Variants in ARHGAP40 observed in about 807,000 individuals in gnomAD.
The protein encoded by ARHGAP40 is Rho GTPase activating protein 40.
Under a neutral mutation model 73.5 loss-of-function variants are expected in ARHGAP40, and 43 were observed. That is an observed-to-expected ratio of 0.58 (90% CI 0.46 to 0.75). The LOEUF (loss-of-function observed/expected upper bound fraction) is 0.75. Ranked by LOEUF, ARHGAP40 falls within the 30% of genes least tolerant of loss-of-function variation. ARHGAP40 has a pLI of 0.00. For missense variants in ARHGAP40, 734 were observed against 861.8 expected (o/e 0.85, Z 1.86); for synonymous variants, 300 against 352.8 (o/e 0.85, Z 1.68).
At chr20:38,619,272 C>T (rs569238196) in intron 1 of ARHGAP40, among the ~76,000 whole-genome samples, 9 of 152,110 alleles carry the variant, frequency 5.9e-5, no homozygotes, top group South Asian at 2.1e-4. Flanking sequence ...TTCCTAGATG[C>T]GGTGAAAGGC....
At chr20:38,632,818 T>A (rs1342946152) in intron 5 of ARHGAP40, among the ~76,000 whole-genome samples, 5 of 150,158 alleles carry the variant, frequency 3.3e-5, no homozygotes, top group South Asian at 2.1e-4. Context: ...TCTACAAAAA[T>A]TTTTTTTAAA....
At chr20:38,620,850 T>C (rs921179345) in intron 1 of ARHGAP40, among the ~76,000 whole-genome samples, 15 of 152,080 alleles carry the variant, frequency 9.9e-5, no homozygotes, top group African/African-American at 4.8e-5. Flanking sequence ...GGACTCGGAG[T>C]TGAGCTCTGT....
chr20:38,627,670 G>A (rs1325685345), intron 3 of ARHGAP40, among the ~76,000 whole-genome samples: 6 of 146,216 alleles, frequency 4.1e-5, no homozygotes, highest in East Asian at 2.0e-4. Flanking sequence ...GTGGGGGTGT[G>A]TTGGTGTGTG....
chr20:38,642,378 G>A (rs908348393), intron 10 of ARHGAP40, among the ~76,000 whole-genome samples: 6 of 152,196 alleles, frequency 3.9e-5, no homozygotes, highest in African/African-American at 1.2e-4. Context: ...GACTCAAGAT[G>A]TGCCTCCAGG....
At chr20:38,616,788 T>C (rs375653513) in intron 1 of ARHGAP40, among the ~76,000 whole-genome samples, 9 of 152,264 alleles carry the variant, frequency 5.9e-5, no homozygotes, top group African/African-American at 2.2e-4. Context: ...TCTGGAGACC[T>C]TGTCATTGTT....
rs190054359 is a variant in ARHGAP40 at position 38,615,543 on chromosome 20, C to G, written c.138-7816C>G. The G allele has an allele frequency of 2.2e-4, 129 of 583,500 alleles. No homozygotes were observed. In the African/African-American group the frequency reaches 2.3e-3, roughly 10 times the overall value. The allele number at this position is 583,500 out of a possible 1,614,324, so 36.1% of individuals were successfully genotyped here. On this transcript the variant is annotated intron_variant, in intron 1 of 14. Transcript: ENST00000373345. ...GCCCTTCAGTGTCCCGGAGGAGGTG[C>G]CGCAGCCACTGTTTTCCCCGAGATT... is the stretch of plus-strand genomic sequence containing the variant.
At chr20:38,616,886 C>G (rs912020210) in intron 1 of ARHGAP40, among the ~76,000 whole-genome samples, 1 of 152,184 alleles carries the variant, frequency 6.6e-6, no homozygotes, top group Non-Finnish European at 1.5e-5. Context: ...CCCTCCTTCA[C>G]AGCAAAGAAT....
intron 5 of ARHGAP40, among the ~76,000 whole-genome samples, chr20:38,633,767 G>T (rs547160908): frequency 2.0e-5 from 3 of 152,328 alleles, no homozygotes; most frequent in African/African-American, 7.2e-5. Context: ...GACCTTGGGC[G>T]GCAGGAAAGC....
chr20:38,610,590 A>G (rs1237949258), intron 1 of ARHGAP40, among the ~76,000 whole-genome samples: 1 of 152,222 alleles, frequency 6.6e-6, no homozygotes, highest in East Asian at 1.9e-4. Flanking sequence ...TAGAAGCTGT[A>G]TAATGGTTTG....
At chr20:38,623,434 T>C in exon 2 of ARHGAP40, 2 of 1,290,996 alleles carry the variant, frequency 1.5e-6, no homozygotes, top group Non-Finnish European at 2.0e-6. Flanking sequence ...CTGGCTCTGC[T>C]GGCTGTTCCA....
chr20:38,634,695 C>G, exon 6 of ARHGAP40: 1 of 1,305,398 alleles, frequency 7.7e-7, no homozygotes, highest in Non-Finnish European at 1.0e-6. Context: ...GAGGAAGGTA[C>G]CTTCTCTGGC....
chr20:38,604,488 C>T (rs533663659), intron 1 of ARHGAP40, among the ~76,000 whole-genome samples: 13 of 151,840 alleles, frequency 8.6e-5, no homozygotes, highest in African/African-American at 1.5e-4. Context: ...CTCCGCCTCC[C>T]GGGTTCAAGT....
intron 1 of ARHGAP40, among the ~76,000 whole-genome samples, chr20:38,614,620 G>T (rs140937950): frequency 0.012 from 1,811 of 152,286 alleles, 31 homozygotes; most frequent in African/African-American, 0.041. Context: ...GACCCAAGCG[G>T]CTCTGCTAGG....
In ARHGAP40 at chr20:38,646,188, G is replaced by T. The variant is rs1410270152; in HGVS notation, c.1710+1G>T. ...CAAGGCGGGGGACGGCCTCGAGGCG[G>T]TGAGTGCCCCCGACCCCAGACAGGT... is the stretch of plus-strand genomic sequence containing the variant. On this transcript the variant is annotated splice_donor_variant, in intron 12 of 14. Coordinates refer to ENST00000373345, the Ensembl canonical transcript of ARHGAP40. LOFTEE classifies it high-confidence loss of function. The surrounding 1 kb of genome is among the most constrained non-coding windows in gnomAD (Gnocchi z 4.5). The T allele has an allele frequency of 1.5e-6, 2 of 1,300,274 alleles. No individual in the cohort carries two copies. The highest frequency in any genetic ancestry group is 2.5e-5 in the South Asian group (2 of 80,816). The allele number at this position is 1,300,274 out of a possible 1,614,324, so 80.5% of individuals were successfully genotyped here.
chr20:38,614,692 T>C (rs1415891082), intron 1 of ARHGAP40, among the ~76,000 whole-genome samples: 6 of 152,230 alleles, frequency 3.9e-5, no homozygotes, highest in African/African-American at 1.4e-4. Context: ...AGAAGGCTGA[T>C]TTCTAGAAGT....
intron 1 of ARHGAP40, among the ~76,000 whole-genome samples, chr20:38,618,402 C>T (rs1175923275): frequency 1.3e-5 from 2 of 152,198 alleles, no homozygotes; most frequent in South Asian, 2.1e-4. Flanking sequence ...CCACCGCACC[C>T]AGCCCAAAGT....
At chr20:38,633,678 G>A (rs1275178873) in intron 5 of ARHGAP40, among the ~76,000 whole-genome samples, 7 of 152,222 alleles carry the variant, frequency 4.6e-5, no homozygotes, top group African/African-American at 9.6e-5. Context: ...TTGAGCACTC[G>A]AAAGGGGCAC....
chr20:38,633,177 C>T (rs115079839), intron 5 of ARHGAP40, among the ~76,000 whole-genome samples: 3 of 151,610 alleles, frequency 2.0e-5, no homozygotes, highest in African/African-American at 7.3e-5. Context: ...CTTAGCTACT[C>T]AGGAGGCTGG....
At chr20:38,624,543 C>G (rs1011715268) in intron 2 of ARHGAP40, among the ~76,000 whole-genome samples, 9 of 152,192 alleles carry the variant, frequency 5.9e-5, no homozygotes, top group Non-Finnish European at 1.0e-4. Context: ...CGTGCCTCCT[C>G]TCTGCCTCTT....
Sources: gnomAD v4.1 joint callset for allele counts (sites outside exome capture counted in the v4.1 genomes callset) on GRCh38, gnomAD v4.1.1 for gene constraint, Gnocchi (gnomAD v3.1) non-coding constraint, MANE v1.5 for transcripts, NCBI Gene and HGNC (gene_info 2026-07-23, HGNC 2026-07-21) for gene names.